Variants in FHIT observed in about 807,000 individuals in gnomAD.
FHIT encodes fragile histidine triad diadenosine triphosphatase.
FHIT carries 19 observed loss-of-function variants against 17.9 expected under a neutral mutation model. The observed-to-expected ratio is 1.06, with a 90% CI of 0.74 to 1.56. The LOEUF is 1.56. FHIT is among the 40% of genes most tolerant of loss of function. FHIT has a pLI of 0.00. For synonymous variants in FHIT, 81 were observed against 69.7 expected (o/e 1.16, Z -0.81); for missense variants, 248 against 189.2 (o/e 1.31, Z -1.82).
intron 1 of FHIT, among the ~76,000 whole-genome samples, chr3:61,240,383 T>A (rs1037217014): frequency 1.3e-5 from 2 of 152,198 alleles, no homozygotes; most frequent in Admixed American, 6.5e-5. Flanking sequence ...TACTCTGGTA[T>A]GAATGGTGGC....
rs543486533 is a variant in FHIT at position 61,053,160 on chromosome 3, T to C, written c.-163-11061A>G. On this transcript the variant is annotated intron_variant, in intron 2 of 9. Coordinates refer to ENST00000492590, the MANE Select transcript of FHIT (RefSeq NM_002012.4). ...TTCCAAATCCACCCTGAAAAGTGAG[T>C]GGCTGTTGGGAAACTAAAAAATGTA... is the stretch of plus-strand genomic sequence containing the variant. Among the ~76,000 whole-genome samples, 9 of 152,104 alleles carry C rather than the reference T, an allele frequency of 5.9e-5. 1 individual carries two copies. The highest frequency in any genetic ancestry group is 2.2e-4 in the African/African-American group (9 of 41,502).
chr3:59,817,704 G>T (rs1457448852), intron 8 of FHIT, among the ~76,000 whole-genome samples: 4 of 151,974 alleles, frequency 2.6e-5, no homozygotes, highest in Non-Finnish European at 5.9e-5. Flanking sequence ...CATTCGTTTC[G>T]GCTTCCAAAG....
chr3:59,761,793 T>TA (rs1202923875), intron 8 of FHIT, among the ~76,000 whole-genome samples: 1 of 151,988 alleles, frequency 6.6e-6, no homozygotes, highest in Non-Finnish European at 1.5e-5. Flanking sequence ...AGATGGGGTT[T>TA]CACCATGTTG....
At chr3:61,062,357 G>T (rs1017393026) in intron 2 of FHIT, among the ~76,000 whole-genome samples, 1 of 152,042 alleles carries the variant, frequency 6.6e-6, no homozygotes, top group African/African-American at 2.4e-5. Context: ...ACTTTATCTG[G>T]AGAGTAAAAT....
intron 5 of FHIT, among the ~76,000 whole-genome samples, chr3:60,328,109 T>C (rs562783420): frequency 3.3e-5 from 5 of 152,204 alleles, no homozygotes; most frequent in East Asian, 1.9e-4. Flanking sequence ...CTAGCCACCA[T>C]GCTTGTCAAT....
intron 5 of FHIT, among the ~76,000 whole-genome samples, chr3:60,231,855 A>T (rs1704512323): frequency 6.6e-6 from 1 of 152,164 alleles, no homozygotes; most frequent in Non-Finnish European, 1.5e-5. Flanking sequence ...GTCTCTAATC[A>T]TTTGACTTTA....
chr3:60,025,071 G>C (rs915191376), intron 5 of FHIT, among the ~76,000 whole-genome samples: 3 of 152,182 alleles, frequency 2.0e-5, no homozygotes, highest in Non-Finnish European at 4.4e-5. Context: ...AAGGATCAAA[G>C]AGGATTCCAA....
rs544013207 is a variant in FHIT, at chr3:60,466,717, C to A, written c.103+70143G>T. Among the ~76,000 whole-genome samples the A allele has an allele frequency of 4.0e-5, 6 of 151,834 alleles. No individual in the cohort carries two copies. In the South Asian group the frequency reaches 1.2e-3, roughly 32 times the overall value. The stretch of plus-strand genomic sequence containing the variant: ...CATCCTTGCGTAACTGGAATAAATC[C>A]CGCTTGGTCATGATAAATGCTTTTT... On this transcript the variant is annotated intron_variant, in intron 5 of 9. Coordinates refer to ENST00000492590, the MANE Select transcript of FHIT (RefSeq NM_002012.4).
At chr3:61,142,290 C>A (rs941664320) in intron 2 of FHIT, among the ~76,000 whole-genome samples, 2 of 151,474 alleles carry the variant, frequency 1.3e-5, no homozygotes, top group African/African-American at 4.8e-5. Flanking sequence ...TCTGCTGAGT[C>A]AAAAGTAAGC....
intron 3 of FHIT, among the ~76,000 whole-genome samples, chr3:60,952,037 G>T (rs1708907107): frequency 6.6e-6 from 1 of 152,022 alleles, no homozygotes; most frequent in South Asian, 2.1e-4. Flanking sequence ...ATGGTGGCGG[G>T]CACCTGTAAT....
At chr3:61,145,756 AT>A (rs1370574316) in intron 2 of FHIT, among the ~76,000 whole-genome samples, 10 of 109,830 alleles carry the variant, frequency 9.1e-5, no homozygotes, top group Admixed American at 3.3e-4. Flanking sequence ...TAGATATTTT[AT>A]TTTTTGGCTG....
At chr3:59,973,408 T>G (rs992585007) in intron 7 of FHIT, among the ~76,000 whole-genome samples, 2 of 152,004 alleles carry the variant, frequency 1.3e-5, no homozygotes, top group African/African-American at 2.4e-5. Flanking sequence ...CACACCAACC[T>G]CTCTCTTCTG....
intron 9 of FHIT, chr3:59,750,794 A>AAAGACTT (rs1279426873): frequency 1.9e-5 from 4 of 208,082 alleles, no homozygotes; most frequent in Non-Finnish European, 2.9e-5. Flanking sequence ...GCTATCCAGT[A>AAAGACTT]AAGACTTACT....
intron 4 of FHIT, among the ~76,000 whole-genome samples, chr3:60,740,380 A>G (rs1033988447): frequency 6.6e-6 from 1 of 152,162 alleles, no homozygotes; most frequent in Non-Finnish European, 1.5e-5. Context: ...GAGATAATCA[A>G]TGTACCTACC....
chr3:60,448,813 A>AAG (rs1197290905), intron 5 of FHIT, among the ~76,000 whole-genome samples: 5 of 152,172 alleles, frequency 3.3e-5, no homozygotes, highest in Non-Finnish European at 5.9e-5. Context: ...ACATCTCACT[A>AAG]AGAACATGGT....
intron 4 of FHIT, among the ~76,000 whole-genome samples, chr3:60,753,433 C>T (rs1042669653): frequency 1.3e-5 from 2 of 152,080 alleles, no homozygotes; most frequent in Non-Finnish European, 2.9e-5. Context: ...GAGGGCGGAT[C>T]CACTCATTTG....
chr3:60,901,896 T>A (rs1553763280), intron 3 of FHIT, among the ~76,000 whole-genome samples: 1 of 152,156 alleles, frequency 6.6e-6, no homozygotes, highest in Non-Finnish European at 1.5e-5. Context: ...TAGGAATACG[T>A]CATAAGTACT....
intron 5 of FHIT, among the ~76,000 whole-genome samples, chr3:60,419,093 G>A (rs1159961246): frequency 6.6e-6 from 1 of 152,126 alleles, no homozygotes; most frequent in Non-Finnish European, 1.5e-5. Context: ...CAGTGGTTTG[G>A]AACATGTGCC....
chr3:60,124,003 T>TAGAGAGAGAGAGAGAGAGAGAGAGAG (rs1559653641), intron 5 of FHIT, among the ~76,000 whole-genome samples: 1 of 24,582 alleles, frequency 4.1e-5, no homozygotes, highest in Non-Finnish European at 7.6e-5. Flanking sequence ...TATATATATA[T>TAGAGAGAGAGAGAGAGAGAGAGAGAG]ATATATAGAG....
Sources: gnomAD v4.1 joint callset for allele counts (sites outside exome capture counted in the v4.1 genomes callset) on GRCh38, gnomAD v4.1.1 for gene constraint, MANE v1.5 for transcripts, NCBI Gene and HGNC (gene_info 2026-07-23, HGNC 2026-07-21) for gene names.